The following USP40 variants were observed in gnomAD, a reference collection of about 807,000 sequenced individuals.
The protein encoded by USP40 is ubiquitin specific peptidase 40, also known as ubiquitin carboxyl-terminal hydrolase 40.
In USP40, 143 loss-of-function variants were observed where a neutral mutation model predicts 166.2. That is an observed-to-expected ratio of 0.86 (90% CI 0.75 to 0.99). The LOEUF (loss-of-function observed/expected upper bound fraction) is 0.99. Among genes scored for constraint, USP40 ranks in the 50% least tolerant of loss-of-function variants. USP40 has a pLI of 0.00. For missense variants in USP40, 1,444 were observed against 1,479.7 expected, an observed-to-expected ratio of 0.98 and a Z score of 0.40; for synonymous variants, 498 against 524.0, an observed-to-expected ratio of 0.95 and a Z score of 0.68.
chr2:233,559,118 T>C (rs1171746596), intron 4 of USP40, among the ~76,000 whole-genome samples: 1 of 152,254 alleles, frequency 6.6e-6, no homozygotes, highest in African/African-American at 2.4e-5. Flanking sequence ...TTTGGATTTG[T>C]ATAGCTATAA....
chr2:233,520,969 C>CG, intron 17 of USP40, 22 bp downstream of exon 17: 2 of 1,594,196 alleles, frequency 1.3e-6, no homozygotes, highest in Non-Finnish European at 1.7e-6. Flanking sequence ...TATCAGCCAA[C>CG]CTTTAATTAT....
chr2:233,564,240 T>C (rs1222769785), intron 2 of USP40, among the ~76,000 whole-genome samples: 1 of 151,982 alleles, frequency 6.6e-6, no homozygotes, highest in African/African-American at 2.4e-5. Context: ...CCACAAAGAT[T>C]TGATAAATGT....
intron 4 of USP40, among the ~76,000 whole-genome samples, chr2:233,559,588 A>G (rs945671397): frequency 3.9e-5 from 6 of 152,112 alleles, no homozygotes; most frequent in African/African-American, 1.4e-4. Context: ...CGTTTTTCCA[A>G]TCTTCTCCCC....
At chr2:233,531,770 T>C (rs2068543418) in intron 11 of USP40, among the ~76,000 whole-genome samples, 1 of 152,212 alleles carries the variant, frequency 6.6e-6, no homozygotes, top group Admixed American at 6.5e-5. Context: ...CTAAGAACAA[T>C]ATTCTCATCT....
At chr2:233,500,037 G>C in intron 21 of USP40, 122 bp from the exon 22 acceptor site, 1 of 740,094 alleles carries the variant, frequency 1.4e-6, no homozygotes, top group Non-Finnish European at 2.2e-6. Context: ...TCTTGAATAG[G>C]CAAGGATAGA....
intron 10 of USP40, among the ~76,000 whole-genome samples, chr2:233,534,418 C>T (rs556452452): frequency 6.6e-6 from 1 of 152,300 alleles, no homozygotes; most frequent in African/African-American, 2.4e-5. Context: ...ACTCTTTAAC[C>T]TCTGTCTGGC....
chr2:233,540,690 T>C lies in USP40; in HGVS notation c.1142A>G (p.Tyr381Cys). ...CCGCAGTGGTCCATGCTGTTTTCTG[T>C]ACTTCTTGTTCCAAGATATTCCTAT... The part of the protein sequence containing the change: ...KKIGISWNKK[Y>C]RKQHGPLRKF... The change falls in exon 10 of 32, where the codon TAC becomes TGC. Residue 381 changes from tyrosine to cysteine, a missense_variant. By Grantham distance (194) the Tyr-to-Cys change is radical. Transcript: ENST00000678225. 1 of 1,612,934 alleles carries C rather than the reference T, an allele frequency of 6.2e-7. No homozygotes were observed. Among genetic ancestry groups the C allele is most frequent in the South Asian group, 1.1e-5 (1 of 90,980 alleles).
At chr2:233,548,081 T>C (rs1432464734) in intron 8 of USP40, among the ~76,000 whole-genome samples, 4 of 151,714 alleles carry the variant, frequency 2.6e-5, no homozygotes, top group Non-Finnish European at 5.9e-5. Flanking sequence ...AAATGAAGAG[T>C]AGACATAACA....
At chr2:233,547,840 A>G (rs78905035) in intron 8 of USP40, among the ~76,000 whole-genome samples, 1,938 of 152,314 alleles carry the variant, frequency 0.013, 39 homozygotes, top group East Asian at 0.084. Context: ...GTGCACACAC[A>G]TGTGTATCTG....
At chr2:233,540,918 TA>T (rs2069348869) in intron 9 of USP40, 149 bp from the exon 10 acceptor site, 1 of 445,748 alleles carries the variant, frequency 2.2e-6, no homozygotes, top group South Asian at 9.4e-5. Flanking sequence ...TATTTTATTA[TA>T]AAAAGTTTTT....
chr2:233,488,161 G>A, intron 28 of USP40, 78 bp downstream of exon 28: 2 of 1,202,806 alleles, frequency 1.7e-6, no homozygotes, highest in Non-Finnish European at 2.4e-6. Flanking sequence ...GCTACACTAT[G>A]AAGTTGTTAA....
At chr2:233,563,262 T>C (rs906073758) in intron 2 of USP40, among the ~76,000 whole-genome samples, 1 of 152,110 alleles carries the variant, frequency 6.6e-6, no homozygotes, top group Non-Finnish European at 1.5e-5. Context: ...GTGTTGAAGG[T>C]AATAACAGAT....
At chr2:233,478,457 G>C (rs910347002) in intron 31 of USP40, among the ~76,000 whole-genome samples, 5 of 152,162 alleles carry the variant, frequency 3.3e-5, no homozygotes, top group African/African-American at 1.2e-4. Context: ...GCTGGCAAGC[G>C]ATTTGCAGTT....
At chr2:233,527,083 C>G (rs1159813849) in intron 13 of USP40, among the ~76,000 whole-genome samples, 1 of 152,164 alleles carries the variant, frequency 6.6e-6, no homozygotes, top group Non-Finnish European at 1.5e-5. Flanking sequence ...ACATGCTCAT[C>G]TTTATCTTTT....
intron 10 of USP40, among the ~76,000 whole-genome samples, chr2:233,538,057 T>C (rs925784865): frequency 2.6e-5 from 4 of 152,130 alleles, no homozygotes; most frequent in African/African-American, 9.7e-5. Context: ...GTAAGCATCT[T>C]ACAGTATACA....
At chr2:233,487,127 G>A (rs984102059) in intron 28 of USP40, among the ~76,000 whole-genome samples, 17 of 152,184 alleles carry the variant, frequency 1.1e-4, no homozygotes, top group African/African-American at 4.1e-4. Context: ...AAATCATAAA[G>A]AGCTCACACA....
At chr2:233,488,055 A>G (rs755738794) in intron 28 of USP40, 184 bp downstream of exon 28, 3 of 716,922 alleles carry the variant, frequency 4.2e-6, no homozygotes, top group South Asian at 1.5e-5. Flanking sequence ...TTATGGGAGA[A>G]TAAGTCCCAA....
rs1428601075 is a variant in USP40, at chr2:233,525,560, C to G, written c.1728G>C (p.Leu576=). The G allele has an allele frequency of 6.2e-7, 1 of 1,610,808 alleles. No individual in the cohort carries two copies. The highest frequency in any genetic ancestry group is 2.2e-5 in the East Asian group (1 of 44,864). The change falls in exon 14 of 32, where the codon CTG becomes CTC. Residue 576 remains leucine, a splice_region_variant and synonymous_variant. Transcript: ENST00000678225. ...CCATGTCTCCTTCCCAAAATTCTAA[C>G]AGCTGAAGAATATTAATGAAGGAAA... ...LGDLRQSIFQ[L]LEFWEGDMVL... is the part of the protein sequence containing the mutation.
intron 20 of USP40, among the ~76,000 whole-genome samples, chr2:233,510,401 T>TA: frequency 7.5e-6 from 1 of 132,992 alleles, no homozygotes; most frequent in Middle Eastern, 3.6e-3. Context: ...TCTTTTTTTT[T>TA]TTTTTTTTTT....
Sources: allele counts gnomAD v4.1 joint callset (sites outside exome capture counted in the v4.1 genomes callset), GRCh38; gene constraint gnomAD v4.1.1; transcripts MANE v1.5; gene names NCBI Gene and HGNC (gene_info 2026-07-23, HGNC 2026-07-21).